Variants in MICU2 observed in about 807,000 individuals in gnomAD.
The protein encoded by MICU2 is calcium uptake protein 2, mitochondrial.
Under a neutral mutation model 60.4 loss-of-function variants are expected in MICU2, and 64 were observed. The ratio of observed to expected loss-of-function variants is 1.06; its 90% CI spans 0.87 to 1.31. The LOEUF (loss-of-function observed/expected upper bound fraction) is 1.31. Among genes scored for constraint, MICU2 ranks in the 50% most tolerant of loss-of-function variants. MICU2 has a pLI of 0.00. For synonymous variants in MICU2, 201 were observed against 175.0 expected (o/e 1.15, Z -1.17); for missense variants, 569 against 531.0 (o/e 1.07, Z -0.70).
intron 1 of MICU2, among the ~76,000 whole-genome samples, chr13:21,598,661 A>C (rs1888747962): frequency 6.6e-6 from 1 of 152,162 alleles, no homozygotes; most frequent in African/African-American, 2.4e-5. Flanking sequence ...GGTTGCAGTG[A>C]GTCGAGATTG....
chr13:21,549,389 G>T (rs1887496941), intron 2 of MICU2, among the ~76,000 whole-genome samples: 1 of 152,106 alleles, frequency 6.6e-6, no homozygotes. Flanking sequence ...GCAAAGACAA[G>T]AACTACACAG....
chr13:21,506,353 C>A (rs1886292241), intron 8 of MICU2, among the ~76,000 whole-genome samples: 1 of 152,176 alleles, frequency 6.6e-6, no homozygotes, highest in Admixed American at 6.5e-5. Flanking sequence ...CTTTCTCACC[C>A]ACAACCTCAG....
chr13:21,590,022 T>G (rs1888546288), intron 1 of MICU2, among the ~76,000 whole-genome samples: 1 of 152,202 alleles, frequency 6.6e-6, no homozygotes, highest in Non-Finnish European at 1.5e-5. Flanking sequence ...CTATTTCTTT[T>G]GCAGCACCAA....
chr13:21,534,117 T>C (rs1234547668), intron 4 of MICU2, among the ~76,000 whole-genome samples: 2 of 150,970 alleles, frequency 1.3e-5, no homozygotes, highest in African/African-American at 4.9e-5. Context: ...ATTTCTAAAA[T>C]GTATGAAAGC....
intron 1 of MICU2, among the ~76,000 whole-genome samples, chr13:21,586,379 C>A (rs770731399): frequency 2.0e-5 from 3 of 152,132 alleles, no homozygotes; most frequent in Non-Finnish European, 4.4e-5. Flanking sequence ...ATCCCTGCTG[C>A]TATGAAAATC....
intron 6 of MICU2, among the ~76,000 whole-genome samples, chr13:21,516,621 A>G (rs76098796): frequency 0.021 from 3,229 of 152,312 alleles, 97 homozygotes; most frequent in African/African-American, 0.068. Context: ...AGAAACTGCC[A>G]AACTATTTTC....
intron 1 of MICU2, among the ~76,000 whole-genome samples, chr13:21,597,681 A>G (rs190229244): frequency 1.3e-5 from 2 of 152,218 alleles, no homozygotes; most frequent in East Asian, 3.9e-4. Context: ...TAATCCCAGC[A>G]GGGATTTTGG....
intron 7 of MICU2, among the ~76,000 whole-genome samples, chr13:21,511,480 A>G (rs939638633): frequency 6.6e-6 from 1 of 152,204 alleles, no homozygotes; most frequent in Non-Finnish European, 1.5e-5. Context: ...TTTAAAGAAA[A>G]TAACTTTTTA....
intron 1 of MICU2, among the ~76,000 whole-genome samples, chr13:21,591,700 G>A (rs1481946452): frequency 6.6e-6 from 1 of 152,124 alleles, no homozygotes; most frequent in Non-Finnish European, 1.5e-5. Context: ...AATCAAATTA[G>A]AACTCAGGAT....
At chr13:21,525,181 A>ATT (rs71093324) in intron 4 of MICU2, among the ~76,000 whole-genome samples, 4,981 of 83,268 alleles carry the variant, frequency 0.06, 927 homozygotes, top group African/African-American at 0.077. Context: ...GTGTAATTCA[A>ATT]TTTTTTTTTT....
At position 21,496,071 on chromosome 13, in the gene MICU2, A is replaced by G; in HGVS notation, c.1023T>C (p.Ala341=). 4 of 1,613,600 alleles carry G rather than the reference A, an allele frequency of 2.5e-6. No homozygotes were observed. Among genetic ancestry groups the G allele is most frequent in the Middle Eastern group, 1.7e-4 (1 of 6,058 alleles). ...ACTTACCTAGTCTGACAGGACGATG[A>G]GCTAAACTGAACATCTGCATGGCAA... ...FAIAMQMFSL[A]HRPVRLAEFK... The change falls in exon 10 of 12, where the codon GCT becomes GCC. Residue 341 remains alanine (A), a synonymous_variant. Coordinates refer to ENST00000382374, the MANE Select transcript of MICU2 (RefSeq NM_152726.3).
chr13:21,568,848 T>C (rs1888041367), intron 1 of MICU2, among the ~76,000 whole-genome samples: 1 of 151,718 alleles, frequency 6.6e-6, no homozygotes, highest in South Asian at 2.1e-4. Context: ...AATTCTGTTT[T>C]TTTTTTCTTC....
intron 2 of MICU2, among the ~76,000 whole-genome samples, chr13:21,563,341 G>A (rs1260397126): frequency 6.6e-6 from 1 of 152,056 alleles, no homozygotes; most frequent in East Asian, 1.9e-4. Flanking sequence ...TGTAGTCCCA[G>A]CTACTCGGGA....
intron 10 of MICU2, chr13:21,495,660 T>TG (rs1249930193): frequency 8.7e-6 from 2 of 230,130 alleles, no homozygotes; most frequent in Non-Finnish European, 1.7e-5. Context: ...CTCGGCCTCC[T>TG]GAATAGCTGG....
chr13:21,591,515 G>T (rs967951073), intron 1 of MICU2, among the ~76,000 whole-genome samples: 1 of 152,112 alleles, frequency 6.6e-6, no homozygotes, highest in Non-Finnish European at 1.5e-5. Context: ...CTCTGCTCTG[G>T]ATCAAGTGGA....
intron 1 of MICU2, among the ~76,000 whole-genome samples, chr13:21,590,963 G>A (rs985373906): frequency 6.6e-6 from 1 of 152,172 alleles, no homozygotes; most frequent in Non-Finnish European, 1.5e-5. Context: ...ACATTACGAA[G>A]AAACTGCATC....
chr13:21,515,517 T>C (rs1446596729), intron 6 of MICU2: 1 of 432,740 alleles, frequency 2.3e-6, no homozygotes, highest in Admixed American at 2.6e-5. Context: ...TGAAATTGAG[T>C]ACATTAAAAA....
At chr13:21,499,535 C>A (rs765402898) in intron 9 of MICU2, among the ~76,000 whole-genome samples, 13 of 151,466 alleles carry the variant, frequency 8.6e-5, no homozygotes, top group African/African-American at 3.2e-4. Flanking sequence ...CTCTGCCTCC[C>A]GAGTAGCTGG....
At chr13:21,567,676 T>G (rs1370064489) in intron 1 of MICU2, among the ~76,000 whole-genome samples, 2 of 152,180 alleles carry the variant, frequency 1.3e-5, no homozygotes, top group East Asian at 1.9e-4. Context: ...AGACCTTGAC[T>G]AAGTGCTAAT....
Sources: allele counts gnomAD v4.1 joint callset (sites outside exome capture counted in the v4.1 genomes callset), GRCh38; gene constraint gnomAD v4.1.1; transcripts MANE v1.5; gene names NCBI Gene and HGNC (gene_info 2026-07-23, HGNC 2026-07-21).